Variants in MSRB3 observed in about 807,000 individuals in gnomAD.
MSRB3 encodes methionine sulfoxide reductase B3, also known as methionine-R-sulfoxide reductase B3.
In MSRB3, 13 loss-of-function variants were observed where a neutral mutation model predicts 21.0. That is an observed-to-expected ratio of 0.62 (90% CI 0.40 to 0.98). The LOEUF is 0.98. Ranked by LOEUF, MSRB3 falls within the 50% of genes least tolerant of loss-of-function variation. The probability of loss-of-function intolerance (pLI) is 0.00; values close to 1 mark genes in which losing one functional copy is unlikely to be tolerated. For missense variants in MSRB3, 199 were observed against 230.3 expected, an observed-to-expected ratio of 0.86 and a Z score of 0.88; for synonymous variants, 87 against 88.6, an observed-to-expected ratio of 0.98 and a Z score of 0.10.
chr12:65,393,121 A>AT (rs924036891), intron 5 of MSRB3, among the ~76,000 whole-genome samples: 5 of 148,940 alleles, frequency 3.4e-5, no homozygotes, highest in South Asian at 2.1e-4. Context: ...GTTGGAATTC[A>AT]TTTTTTTTTC....
chr12:65,359,802 G>A (rs185856518), intron 4 of MSRB3, among the ~76,000 whole-genome samples: 71 of 152,240 alleles, frequency 4.7e-4, no homozygotes, highest in Admixed American at 3.7e-3. Context: ...AACTGTATAC[G>A]TTTTGTTTGA....
chr12:65,374,532 A>G (rs1432087283), intron 5 of MSRB3, among the ~76,000 whole-genome samples: 1 of 152,214 alleles, frequency 6.6e-6, no homozygotes, highest in Non-Finnish European at 1.5e-5. Flanking sequence ...ACCTCTTGAT[A>G]TTTAAACATA....
At chr12:65,341,275 C>T (rs970913276) in intron 4 of MSRB3, among the ~76,000 whole-genome samples, 1 of 152,010 alleles carries the variant, frequency 6.6e-6, no homozygotes, top group Non-Finnish European at 1.5e-5. Flanking sequence ...AACTGGAGTT[C>T]ATTATGTGAA....
chr12:65,459,532 TACAC>T (rs2136713863), intron 6 of MSRB3, among the ~76,000 whole-genome samples: 1 of 152,318 alleles, frequency 6.6e-6, no homozygotes, highest in East Asian at 1.9e-4. Flanking sequence ...AGCCCCCACT[TACAC>T]ACAAGTGTCT....
intron 1 of MSRB3, among the ~76,000 whole-genome samples, chr12:65,288,136 C>G (rs575243920): frequency 4.6e-5 from 7 of 152,002 alleles, no homozygotes; most frequent in African/African-American, 1.7e-4. Flanking sequence ...AACCCCATCT[C>G]TACTAAAAAT....
At chr12:65,347,876 C>T (rs971443693) in intron 4 of MSRB3, among the ~76,000 whole-genome samples, 1 of 152,102 alleles carries the variant, frequency 6.6e-6, no homozygotes, top group African/African-American at 2.4e-5. Context: ...TGTTTATATG[C>T]TGGATTACGT....
rs2136420609 is a variant in MSRB3 at position 65,307,027 on chromosome 12, G to A, written c.-51-1502G>A. 1 of 985,860 alleles carries A rather than the reference G, an allele frequency of 1.0e-6. No homozygotes were observed. The highest frequency in any genetic ancestry group is 1.2e-6 in the Non-Finnish European group (1 of 829,920). The allele number at this position is 985,860 out of a possible 1,614,324, so 61.1% of individuals were successfully genotyped here. A position where few individuals can be genotyped will look rare whatever the true frequency, so the allele number is the denominator to read the frequency against. On this transcript the variant is annotated intron_variant, in intron 1 of 6. Transcript: ENST00000308259. Reference sequence around the variant, plus strand: ...CACAGTGAGACTGCAGCTTTGCTAAGTAATTACATTTACTGTGTGTGCTTT... The same window carrying A: ...CACAGTGAGACTGCAGCTTTGCTAAATAATTACATTTACTGTGTGTGCTTT...
intron 5 of MSRB3, among the ~76,000 whole-genome samples, chr12:65,383,614 A>G (rs1879054596): frequency 6.6e-6 from 1 of 152,084 alleles, no homozygotes; most frequent in Non-Finnish European, 1.5e-5. Context: ...TTTTTATCTA[A>G]AGTAGGAAAT....
chr12:65,395,680 T>C (rs1879740522), intron 5 of MSRB3, among the ~76,000 whole-genome samples: 1 of 152,210 alleles, frequency 6.6e-6, no homozygotes, highest in Admixed American at 6.5e-5. Context: ...TTGATTCAGT[T>C]TCTTTAATAG....
At chr12:65,302,349 C>T (rs1873386153) in intron 1 of MSRB3, among the ~76,000 whole-genome samples, 1 of 152,136 alleles carries the variant, frequency 6.6e-6, no homozygotes, top group South Asian at 2.1e-4. Flanking sequence ...CACTCCCTCT[C>T]CTAAAGCTGG....
chr12:65,463,506 C>A lies in MSRB3; in HGVS notation c.*184C>A. On this transcript the variant is annotated 3_prime_UTR_variant, in exon 7 of 7. Coordinates refer to ENST00000308259, the MANE Select transcript of MSRB3 (RefSeq NM_001031679.3). ...CCATGTATTTTGCAATTGACTAGATCAAGAACTGTTTATAGCTTTAGCAAA... is the reference window on the plus strand; with the variant it reads ...CCATGTATTTTGCAATTGACTAGATAAAGAACTGTTTATAGCTTTAGCAAA... 1 of 679,264 alleles carries A rather than the reference C, an allele frequency of 1.5e-6. No homozygotes were observed. Among genetic ancestry groups the A allele is most frequent in the Non-Finnish European group, 2.4e-6 (1 of 413,858 alleles). The allele number at this position is 679,264 out of a possible 1,614,324, so 42.1% of individuals were successfully genotyped here.
chr12:65,432,089 A>G (rs769538985), intron 5 of MSRB3, among the ~76,000 whole-genome samples: 5 of 152,092 alleles, frequency 3.3e-5, no homozygotes, highest in Non-Finnish European at 5.9e-5. Flanking sequence ...CCTTCAACAC[A>G]TAACTTTTTT....
At chr12:65,439,487 G>A (rs1360976648) in intron 5 of MSRB3, among the ~76,000 whole-genome samples, 1 of 151,500 alleles carries the variant, frequency 6.6e-6, no homozygotes, top group African/African-American at 2.4e-5. Context: ...ATATAATTTT[G>A]TATTCTCATG....
At chr12:65,401,449 T>C (rs1465587430) in intron 5 of MSRB3, among the ~76,000 whole-genome samples, 1 of 152,214 alleles carries the variant, frequency 6.6e-6, no homozygotes, top group Non-Finnish European at 1.5e-5. Context: ...TTTTTTTGCT[T>C]TCCATTTGCT....
At chr12:65,401,950 C>T (rs1410479955) in intron 5 of MSRB3, among the ~76,000 whole-genome samples, 2 of 152,202 alleles carry the variant, frequency 1.3e-5, no homozygotes, top group Non-Finnish European at 2.9e-5. Flanking sequence ...CCACTCTCTT[C>T]TGGCTTGTAG....
chr12:65,301,737 AAAGAAT>A (rs769050071), intron 1 of MSRB3, among the ~76,000 whole-genome samples: 140 of 152,326 alleles, frequency 9.2e-4, no homozygotes, highest in Middle Eastern at 3.4e-3. Context: ...TGTGATAACA[AAAGAAT>A]AAAACATACA....
At chr12:65,462,414 C>G (rs1006739196) in intron 6 of MSRB3, among the ~76,000 whole-genome samples, 1 of 152,330 alleles carries the variant, frequency 6.6e-6, no homozygotes, top group East Asian at 1.9e-4. Context: ...CTGCCTCTGT[C>G]TAGACCTTAG....
intron 4 of MSRB3, among the ~76,000 whole-genome samples, chr12:65,365,249 C>T (rs899729011): frequency 1.3e-5 from 2 of 152,104 alleles, no homozygotes; most frequent in Non-Finnish European, 2.9e-5. Flanking sequence ...CATGAGGATG[C>T]ATGAGACCCA....
intron 1 of MSRB3, among the ~76,000 whole-genome samples, chr12:65,302,285 A>G (rs566418159): frequency 2.2e-4 from 33 of 152,260 alleles, no homozygotes; most frequent in African/African-American, 7.0e-4. Context: ...ATACAAATAA[A>G]AAGTCTTCCT....
Sources: allele counts gnomAD v4.1 joint callset (sites outside exome capture counted in the v4.1 genomes callset), GRCh38; gene constraint gnomAD v4.1.1; transcripts MANE v1.5; gene names NCBI Gene and HGNC (gene_info 2026-07-23, HGNC 2026-07-21).